ARK2N: variants seen among roughly 807,000 people sequenced by gnomAD.
ARK2N encodes the protein arkadia (RNF111) N-terminal like PKA signaling regulator 2N.
At chr18:46,220,412 G>A in the ARK2N span, among the ~76,000 whole-genome samples, 1 of 152,142 alleles carries the variant, frequency 6.6e-6, no homozygotes, top group Non-Finnish European at 1.5e-5. Flanking sequence ...TTTTTCTCTG[G>A]TAGAGATAAT....
the ARK2N span, chr18:46,217,493 A>G: frequency 6.6e-6 from 1 of 152,214 alleles, no homozygotes; most frequent in African/African-American, 2.4e-5. Flanking sequence ...AAGAGGGGCA[A>G]GTTTGGGTTT....
At chr18:46,183,592 C>T in the ARK2N span, among the ~76,000 whole-genome samples, 2 of 152,096 alleles carry the variant, frequency 1.3e-5, no homozygotes, top group Non-Finnish European at 2.9e-5. Context: ...GTCTTTTATG[C>T]TTGTTTATAG....
At chr18:46,262,999 G>A in the ARK2N span, 1 of 1,614,202 alleles carries the variant, frequency 6.2e-7, no homozygotes, top group East Asian at 2.2e-5. Context: ...CACGCAGTAT[G>A]TTAGCACCAG....
At chr18:46,262,820 A>G in the ARK2N span, 9 of 1,121,664 alleles carry the variant, frequency 8.0e-6, no homozygotes, top group South Asian at 1.4e-5. Context: ...GAACTTGCAT[A>G]CTAGGTTTAT....
At chr18:46,258,320 A>T in the ARK2N span, among the ~76,000 whole-genome samples, 3 of 152,216 alleles carry the variant, frequency 2.0e-5, no homozygotes, top group Non-Finnish European at 4.4e-5. Flanking sequence ...TAGGAAAAAG[A>T]AGTAGAAATG....
the ARK2N span, among the ~76,000 whole-genome samples, chr18:46,220,725 A>G: frequency 1.3e-5 from 2 of 152,228 alleles, no homozygotes; most frequent in Non-Finnish European, 2.9e-5. Context: ...TTATAAAAAT[A>G]ACTTCCCTAA....
chr18:46,228,005 G>T, the ARK2N span, among the ~76,000 whole-genome samples: 1 of 152,200 alleles, frequency 6.6e-6, no homozygotes, highest in Non-Finnish European at 1.5e-5. Context: ...ATGTTAGTAT[G>T]ATTTTTCAGT....
At chr18:46,182,677 A>G in the ARK2N span, among the ~76,000 whole-genome samples, 1 of 142,812 alleles carries the variant, frequency 7.0e-6, no homozygotes, top group African/African-American at 2.6e-5. Flanking sequence ...GTCATTAGCC[A>G]CAGTGCTTTT....
the ARK2N span, chr18:46,264,911 T>G: frequency 6.6e-6 from 1 of 152,470 alleles, no homozygotes; most frequent in South Asian, 2.1e-4. Flanking sequence ...TTTTTTTATT[T>G]TTATTTTCTG....
At chr18:46,189,907 C>T in the ARK2N span, among the ~76,000 whole-genome samples, 1 of 152,046 alleles carries the variant, frequency 6.6e-6, no homozygotes, top group Admixed American at 6.6e-5. Flanking sequence ...ATGTGTATAA[C>T]CTAATTTATC....
the ARK2N span, among the ~76,000 whole-genome samples, chr18:46,210,214 T>G: frequency 6.6e-6 from 1 of 152,164 alleles, no homozygotes; most frequent in East Asian, 1.9e-4. Flanking sequence ...GGAGGTTGTG[T>G]CTAGAGTGGT....
the ARK2N span, among the ~76,000 whole-genome samples, chr18:46,252,258 G>GAGTTGCATGTAA: frequency 2.4e-4 from 37 of 151,592 alleles, no homozygotes; most frequent in African/African-American, 8.7e-4. Flanking sequence ...AGGGAGAAGA[G>GAGTTGCATGTAA]AGTTGCATGT....
the ARK2N span, chr18:46,265,583 G>A: frequency 6.6e-6 from 1 of 152,272 alleles, no homozygotes; most frequent in Non-Finnish European, 1.5e-5. Flanking sequence ...TTAAGATGCA[G>A]AGGGGGAGGG....
chr18:46,232,893 C>T, the ARK2N span: 2 of 152,012 alleles, frequency 1.3e-5, no homozygotes, highest in East Asian at 3.9e-4. Context: ...CCTCACTGTG[C>T]ATTTGACATG....
At chr18:46,183,652 C>T in the ARK2N span, among the ~76,000 whole-genome samples, 1 of 151,956 alleles carries the variant, frequency 6.6e-6, no homozygotes, top group Non-Finnish European at 1.5e-5. Context: ...GGATGAGTTG[C>T]TGTGGAGAAA....
At chr18:46,197,433 C>T in the ARK2N span, among the ~76,000 whole-genome samples, 1 of 152,130 alleles carries the variant, frequency 6.6e-6, no homozygotes, top group African/African-American at 2.4e-5. Context: ...GGGGTTTCAC[C>T]GTGTTGGCCA....
the ARK2N span, chr18:46,216,473 A>G: frequency 1.5e-4 from 250 of 1,614,208 alleles, no homozygotes; most frequent in African/African-American, 3.0e-3. The surrounding 1 kb of genome is among the most constrained non-coding windows in gnomAD (Gnocchi z 4.3). Context: ...AGGAAGAAAT[A>G]TAACCTGCTG....
chr18:46,210,843 A>C, the ARK2N span, among the ~76,000 whole-genome samples: 1 of 151,840 alleles, frequency 6.6e-6, no homozygotes, highest in Non-Finnish European at 1.5e-5. Flanking sequence ...CCAAGGAGGC[A>C]GAGGTTACAG....
At chr18:46,249,999 C>T in the ARK2N span, among the ~76,000 whole-genome samples, 19 of 152,088 alleles carry the variant, frequency 1.2e-4, no homozygotes, top group African/African-American at 3.9e-4. Context: ...CCGCCCCCCT[C>T]GCCCCACCCC....
Sources: gnomAD v4.1 joint callset for allele counts (sites outside exome capture counted in the v4.1 genomes callset) on GRCh38, gnomAD v4.1.1 for gene constraint, Gnocchi (gnomAD v3.1) non-coding constraint, MANE v1.5 for transcripts, NCBI Gene and HGNC (gene_info 2026-07-23, HGNC 2026-07-21) for gene names.